PDE2A: variants seen among roughly 807,000 people sequenced by gnomAD.
The protein encoded by PDE2A is cGMP-dependent 3',5'-cyclic phosphodiesterase.
PDE2A carries 53 observed loss-of-function variants against 133.6 expected under a neutral mutation model. That is an observed-to-expected ratio of 0.40 (90% CI 0.32 to 0.50). PDE2A has a LOEUF of 0.50. Ranked by LOEUF, PDE2A falls within the 20% of genes least tolerant of loss-of-function variation. PDE2A has a pLI of 0.73. For missense variants in PDE2A, 796 were observed against 1,232.4 expected (o/e 0.65, Z 5.30); for synonymous variants, 491 against 490.2 (o/e 1.00, Z -0.02).
chr11:72,605,252 C>A (rs1856920128), intron 3 of PDE2A, 26 bp from the exon 4 acceptor site: 1 of 1,509,830 alleles, frequency 6.6e-7, no homozygotes, highest in Non-Finnish European at 9.1e-7. Context: ...CTTATGAGAC[C>A]CTGTGGAGAG....
chr11:72,611,170 G>A (rs957959455), intron 2 of PDE2A, among the ~76,000 whole-genome samples: 10 of 152,202 alleles, frequency 6.6e-5, no homozygotes, highest in African/African-American at 2.2e-4. Flanking sequence ...AGACCCAGGT[G>A]ACGGAGTGAG....
At chr11:72,650,162 C>T (rs1039836432) in intron 1 of PDE2A, among the ~76,000 whole-genome samples, 6 of 151,998 alleles carry the variant, frequency 3.9e-5, no homozygotes, top group African/African-American at 1.5e-4. Flanking sequence ...GCTGAGATTA[C>T]AGGCGCCTGC....
At chr11:72,622,706 G>A (rs1012400905) in intron 2 of PDE2A, among the ~76,000 whole-genome samples, 4 of 152,158 alleles carry the variant, frequency 2.6e-5, no homozygotes, top group Non-Finnish European at 5.9e-5. Context: ...GAGGAGGATG[G>A]GGGCTGTCGT....
intron 2 of PDE2A, among the ~76,000 whole-genome samples, chr11:72,629,847 C>A (rs984808211): frequency 5.9e-5 from 9 of 152,200 alleles, no homozygotes; most frequent in Non-Finnish European, 1.2e-4. Context: ...TAATAGCAGC[C>A]CCTACCTCAT....
intron 2 of PDE2A, among the ~76,000 whole-genome samples, chr11:72,623,152 C>G (rs1434259347): frequency 6.6e-6 from 1 of 152,194 alleles, no homozygotes; most frequent in African/African-American, 2.4e-5. Flanking sequence ...ACAGGCCAGT[C>G]TGACTTCTGG....
At position 72,586,166 on chromosome 11, in the gene PDE2A, G is replaced by A. The variant is rs759790287; in HGVS notation, c.1086C>T (p.Asp362=). 26 of 1,608,892 alleles carry A rather than the reference G, an allele frequency of 1.6e-5. No homozygotes were observed. Among genetic ancestry groups the A allele is most frequent in the East Asian group, 6.7e-5 (3 of 44,842 alleles). Residue 362 remains aspartate (D), a synonymous_variant, in exon 14 of 31, where the codon GAC becomes GAT. Coordinates refer to ENST00000334456, the MANE Select transcript of PDE2A (RefSeq NM_002599.5). ...GGAAGCAGTGCTGGATCACATGCTC[G>A]TCCTCGTCGGTGAACCTGGAGGAGG... is the stretch of plus-strand genomic sequence containing the variant. The part of the protein sequence containing the change: ...KLEGDLFTDE[D]EHVIQHCFHY...
chr11:72,640,114 C>T (rs1227531702), intron 2 of PDE2A, among the ~76,000 whole-genome samples: 1 of 151,918 alleles, frequency 6.6e-6, no homozygotes, highest in African/African-American at 2.4e-5. Context: ...ATAATTCACA[C>T]GTCACACCAA....
intron 4 of PDE2A, among the ~76,000 whole-genome samples, chr11:72,600,940 G>T (rs987968307): frequency 1.3e-5 from 2 of 151,762 alleles, no homozygotes; most frequent in Non-Finnish European, 2.9e-5. Flanking sequence ...CGAGGGAAAG[G>T]TTCTCTGCTG....
Position 72,605,163 on chromosome 11 carries a change from C to T in PDE2A, c.298G>A (p.Glu100Lys). ...CGGACTTTCCCCTCCTGGGGCAGCT[C>T]ATGTGGGGGGTCCTCACACACCAGC... The part of the protein sequence containing the change: ...SQLVCEDPPH[E>K]LPQEGKVREA... Residue 100 changes from glutamate (E) to lysine (K), a missense_variant, in exon 4 of 31, where the codon GAG (glutamate) becomes AAG (lysine). Physicochemically the swap from Glu to Lys is moderately conservative, Grantham distance 56. Coordinates refer to ENST00000334456, the MANE Select transcript of PDE2A (RefSeq NM_002599.5). 6.2e-7 allele frequency: 1 copy of T among 1,610,874 alleles called. No homozygotes were observed. The highest frequency in any genetic ancestry group is 8.5e-7 in the Non-Finnish European group (1 of 1,178,156).
At chr11:72,600,978 G>T (rs1298388617) in intron 4 of PDE2A, among the ~76,000 whole-genome samples, 1 of 151,468 alleles carries the variant, frequency 6.6e-6, no homozygotes, top group Non-Finnish European at 1.5e-5. Context: ...GAAAGAGCTG[G>T]GTCCCCTGCA....
rs1856989675 is a variant in PDE2A, at chr11:72,606,826, C to T, written c.235-1600G>A. On this transcript the variant is annotated intron_variant, in intron 3 of 30. Coordinates refer to ENST00000334456, the MANE Select transcript of PDE2A (RefSeq NM_002599.5). The stretch of plus-strand genomic sequence containing the variant: ...ATGGGGGCAGAGGGGGACAGATTCT[C>T]GCTTCACTTCCGCATGTCCGTATGT... Among the ~76,000 whole-genome samples the T allele has an allele frequency of 3.3e-5, 5 of 152,194 alleles. No individual in the cohort carries two copies. The South Asian group carries it at 8.3e-4, about 25-fold the overall frequency.
intron 18 of PDE2A, 89 bp from the exon 19 acceptor site, chr11:72,584,402 C>G (rs1218597096): frequency 8.0e-7 from 1 of 1,248,268 alleles, no homozygotes; most frequent in Admixed American, 1.9e-5. Context: ...CTCGCAGTTT[C>G]CGCAGGTTAC....
chr11:72,608,025 G>A (rs950466427), intron 3 of PDE2A, among the ~76,000 whole-genome samples: 1 of 152,134 alleles, frequency 6.6e-6, no homozygotes, highest in Admixed American at 6.5e-5. Flanking sequence ...AGGTAGGGGA[G>A]TGGCCTGGAA....
intron 1 of PDE2A, chr11:72,668,154 G>C (rs192897084): frequency 1.4e-6 from 1 of 695,792 alleles, no homozygotes; most frequent in Non-Finnish European, 2.7e-6. Flanking sequence ...CTGCTCAGCT[G>C]TTCCTCTGCC....
intron 1 of PDE2A, among the ~76,000 whole-genome samples, chr11:72,666,252 C>T (rs1489244207): frequency 2.0e-5 from 3 of 152,176 alleles, no homozygotes; most frequent in Non-Finnish European, 2.9e-5. Flanking sequence ...CTCTCTGCTG[C>T]AAGCCCTATC....
Position 72,597,472 on chromosome 11 carries a change from GCCCC to G in PDE2A, c.433+34_433+37del. 3.3e-6 allele frequency: 1 copy of G among 299,596 alleles called. No individual in the cohort carries two copies. Among genetic ancestry groups the G allele is most frequent in the Non-Finnish European group, 4.1e-6 (1 of 243,900 alleles). 18.6% of individuals were successfully genotyped at this position (299,596 alleles called of 1,614,324 possible). On this transcript the variant is annotated intron_variant, in intron 5 of 30. Transcript: ENST00000334456. This position sits in a 1 kb window ranked among gnomAD's most constrained non-coding sequence, Gnocchi z 4.6. ...AGTGCAGGGGCCACAGTCCCTCCCTGCCCCTGCCCCTGCCCCTGCCCAGCCCCTA... is the reference window on the plus strand; with the variant it reads ...AGTGCAGGGGCCACAGTCCCTCCCTGTGCCCCTGCCCCTGCCCAGCCCCTA...
At chr11:72,672,718 G>A (rs1055986283) in intron 1 of PDE2A, among the ~76,000 whole-genome samples, 1 of 144,538 alleles carries the variant, frequency 6.9e-6, no homozygotes, top group Non-Finnish European at 1.5e-5. Flanking sequence ...TTAGCATGAC[G>A]TTGATCTCTA....
chr11:72,673,811 C>T (rs1409465270), intron 1 of PDE2A, among the ~76,000 whole-genome samples: 1 of 152,064 alleles, frequency 6.6e-6, no homozygotes, highest in Admixed American at 6.5e-5. Context: ...TGGCAGACCT[C>T]CCCCTCCCCA....
chr11:72,616,309 G>T (rs1857469108), intron 2 of PDE2A, among the ~76,000 whole-genome samples: 1 of 152,170 alleles, frequency 6.6e-6, no homozygotes, highest in South Asian at 2.1e-4. Flanking sequence ...CCCACCTGGG[G>T]CTCCCACTGC....
Sources: allele counts gnomAD v4.1 joint callset (sites outside exome capture counted in the v4.1 genomes callset), GRCh38; gene constraint gnomAD v4.1.1; non-coding constraint Gnocchi (gnomAD v3.1); transcripts MANE v1.5; gene names NCBI Gene and HGNC (gene_info 2026-07-23, HGNC 2026-07-21).